Variants in PDS5B observed in about 807,000 individuals in gnomAD.
PDS5B encodes PDS5 cohesin associated factor B.
Under a neutral mutation model 184.1 loss-of-function variants are expected in PDS5B, and 51 were observed. The observed-to-expected ratio is 0.28, with a 90% CI of 0.22 to 0.35. The LOEUF is 0.35. PDS5B is among the 10% of genes least tolerant of loss of function. The pLI is 1.00. For missense variants in PDS5B, 1,180 were observed against 1,723.3 expected, an observed-to-expected ratio of 0.68 and a Z score of 5.58; for synonymous variants, 566 against 569.2, an observed-to-expected ratio of 0.99 and a Z score of 0.08.
intron 20 of PDS5B, 74 bp from the exon 21 acceptor site, chr13:32,735,098 T>C: frequency 1.1e-6 from 1 of 899,578 alleles, no homozygotes; most frequent in Non-Finnish European, 1.6e-6. Context: ...TTTTGTAATT[T>C]GAAAATGAAA....
At chr13:32,623,589 C>A (rs1446069749) in intron 1 of PDS5B, among the ~76,000 whole-genome samples, 1 of 152,128 alleles carries the variant, frequency 6.6e-6, no homozygotes, top group East Asian at 1.9e-4. Flanking sequence ...AAGATGGAGT[C>A]AGTTATGTTA....
rs1593299313 is a variant in PDS5B at position 32,635,188 on chromosome 13, T to G, written c.-19-13566T>G. On this transcript the variant is annotated intron_variant, in intron 1 of 34. Coordinates refer to ENST00000315596, the MANE Select transcript of PDS5B (RefSeq NM_015032.4). Reference sequence around the variant, plus strand: ...CAATTACGTTTTTTTTTTTTTTTTTTTTTTTTTTTTTTTTTTTTTTTTTTT... The same window carrying G: ...CAATTACGTTTTTTTTTTTTTTTTTGTTTTTTTTTTTTTTTTTTTTTTTTT... 2.0e-3 allele frequency among the ~76,000 whole-genome samples: 49 copies of G among 24,944 alleles called. 1 individual carries two copies. Among genetic ancestry groups the G allele is most frequent in the African/African-American group, 7.2e-3 (43 of 5,976 alleles). The allele number at this position is 24,944 out of a possible 152,430, so 16.4% of individuals were successfully genotyped here.
chr13:32,637,116 G>A (rs1448836229), intron 1 of PDS5B, among the ~76,000 whole-genome samples: 1 of 152,194 alleles, frequency 6.6e-6, no homozygotes, highest in Admixed American at 6.5e-5. Flanking sequence ...TTCTAAGTAA[G>A]GCAGTGATAT....
intron 6 of PDS5B, among the ~76,000 whole-genome samples, chr13:32,666,925 C>T (rs1290993551): frequency 2.0e-5 from 3 of 151,886 alleles, no homozygotes; most frequent in Non-Finnish European, 4.4e-5. Flanking sequence ...AAAATTACTT[C>T]TCATTTACAC....
chr13:32,686,211 ATAAT>A (rs1400057992), intron 11 of PDS5B, among the ~76,000 whole-genome samples: 5 of 152,224 alleles, frequency 3.3e-5, no homozygotes, highest in Non-Finnish European at 5.9e-5. Context: ...TTATTCTAAG[ATAAT>A]TAATGCCAGA....
At chr13:32,674,960 T>G (rs1951028210) in intron 8 of PDS5B, among the ~76,000 whole-genome samples, 1 of 152,016 alleles carries the variant, frequency 6.6e-6, no homozygotes, top group Middle Eastern at 3.4e-3. Flanking sequence ...ATTTTTTTTT[T>G]TTAAGTTTTG....
chr13:32,716,513 C>G (rs1411883424), intron 19 of PDS5B, among the ~76,000 whole-genome samples: 1 of 152,010 alleles, frequency 6.6e-6, no homozygotes, highest in Non-Finnish European at 1.5e-5. Flanking sequence ...AGCAGCCACC[C>G]CGTCTGGGAA....
intron 7 of PDS5B, among the ~76,000 whole-genome samples, chr13:32,671,227 G>T (rs1448338554): frequency 3.3e-5 from 5 of 152,096 alleles, no homozygotes; most frequent in African/African-American, 1.2e-4. Flanking sequence ...GACCAACTTG[G>T]TCATTGCCTT....
At chr13:32,672,445 G>C (rs1222769790) in intron 7 of PDS5B, among the ~76,000 whole-genome samples, 1 of 152,132 alleles carries the variant, frequency 6.6e-6, no homozygotes, top group Non-Finnish European at 1.5e-5. Context: ...CACACACACA[G>C]AGACACATGT....
chr13:32,587,643 A>C (rs569793968), intron 1 of PDS5B, among the ~76,000 whole-genome samples: 1 of 152,178 alleles, frequency 6.6e-6, no homozygotes, highest in East Asian at 1.9e-4. Context: ...CTTGCCGCGG[A>C]CGGGGCGAGC....
In PDS5B at chr13:32,604,678, A is replaced by G. The variant is rs2058032258; in HGVS notation, c.-20+18085A>G. On this transcript the variant is annotated intron_variant, in intron 1 of 34. Transcript: ENST00000315596. ...AGCTCCTCTTTGTACCTCTGGTAGA[A>G]TTTGGCTGTGAATCCATCTGGTCCT... is the stretch of plus-strand genomic sequence containing the variant. 2.0e-5 allele frequency among the ~76,000 whole-genome samples: 3 copies of G among 152,220 alleles called. No individual in the cohort carries two copies. In the South Asian group the frequency reaches 6.2e-4, roughly 32 times the overall value.
intron 1 of PDS5B, among the ~76,000 whole-genome samples, chr13:32,631,120 T>C (rs537050173): frequency 3.1e-4 from 44 of 140,214 alleles, no homozygotes; most frequent in East Asian, 2.6e-3. Context: ...TTTTCTTTCT[T>C]TTTTTTTTTT....
At chr13:32,721,242 C>A (rs986840285) in intron 19 of PDS5B, among the ~76,000 whole-genome samples, 1 of 151,930 alleles carries the variant, frequency 6.6e-6, no homozygotes, top group African/African-American at 2.4e-5. Flanking sequence ...CCCCCACCTC[C>A]CAGACGGGGT....
intron 1 of PDS5B, among the ~76,000 whole-genome samples, chr13:32,609,172 A>G (rs1005648888): frequency 2.0e-5 from 3 of 152,210 alleles, no homozygotes; most frequent in African/African-American, 7.2e-5. Context: ...TTCAAATAAC[A>G]CATAAATCCT....
Position 32,775,175 on chromosome 13 carries a change from G to T in PDS5B, c.*123G>T, listed in dbSNP as rs1954918768. ...AAATGGGACTGCTGAAGAGTGGACA[G>T]TTGGACCTTACTTTGGTGACCCCAT... On this transcript the variant is annotated 3_prime_UTR_variant, in exon 35 of 35. Transcript: ENST00000315596. 1.3e-6 allele frequency: 1 copy of T among 799,374 alleles called. No individual in the cohort carries two copies. Among genetic ancestry groups the T allele is most frequent in the South Asian group, 1.6e-5 (1 of 61,254 alleles). 49.5% of individuals were successfully genotyped at this position (799,374 alleles called of 1,614,324 possible).
At position 32,773,220 on chromosome 13, in the gene PDS5B, A is replaced by G. The variant is rs1426892583; in HGVS notation, c.4204A>G (p.Lys1402Glu). 1 of 1,613,006 alleles carries G rather than the reference A, an allele frequency of 6.2e-7. No individual in the cohort carries two copies. Among genetic ancestry groups the G allele is most frequent in the Non-Finnish European group, 8.5e-7 (1 of 1,179,510 alleles). The part of the protein sequence containing the change: ...RVGRSKQAAT[K>E]ENDSSEEVDV... ...AGGACGCTCCAAACAAGCAGCTACT[A>G]AGGAAAATGATTCAAGTGAAGAAGT... is the stretch of plus-strand genomic sequence containing the variant. The change falls in exon 34 of 35, where the codon AAG (lysine) becomes GAG (glutamate). Residue 1402 changes from lysine to glutamate, a missense_variant. Lys to Glu is a moderately conservative substitution (Grantham distance 56). Around this residue, in one of 11 missense-constraint regions of PDS5B, gnomAD observed 465 missense variants for 497.8 expected, o/e 0.93. Coordinates refer to ENST00000315596, the MANE Select transcript of PDS5B (RefSeq NM_015032.4).
intron 1 of PDS5B, among the ~76,000 whole-genome samples, chr13:32,598,580 C>T (rs7328441): frequency 0.048 from 7,365 of 152,082 alleles, 514 homozygotes; most frequent in African/African-American, 0.16. Flanking sequence ...AAGCAGTCCT[C>T]CTGCCTTAGC....
At position 32,699,740 on chromosome 13, in the gene PDS5B, T is replaced by C. The variant is rs1480573742; in HGVS notation, c.1611T>C (p.Pro537=). The C allele has an allele frequency of 4.7e-6, 7 of 1,501,336 alleles. No homozygotes were observed. The highest frequency in any genetic ancestry group is 6.2e-6 in the Non-Finnish European group (7 of 1,131,776). 93.0% of individuals were successfully genotyped at this position (1,501,336 alleles called of 1,614,324 possible). ...TTAATTTATTTTAAGGAAATTTACC[T>C]GATCCTGGTAAGGCTCAGGATTTCA... ...SKVMVITRNL[P]DPGKAQDFMK... Residue 537 remains proline (P), a synonymous_variant, in exon 16 of 35, where the codon CCT becomes CCC. Coordinates refer to ENST00000315596, the MANE Select transcript of PDS5B (RefSeq NM_015032.4).
At position 32,710,034 on chromosome 13, in the gene PDS5B, T is replaced by C; in HGVS notation, c.2051T>C (p.Val684Ala). 6.5e-7 allele frequency: 1 copy of C among 1,548,286 alleles called. No individual in the cohort carries two copies. Among genetic ancestry groups the C allele is most frequent in the Non-Finnish European group, 8.8e-7 (1 of 1,137,338 alleles). The change falls in exon 19 of 35, where the codon GTA (valine) becomes GCA (alanine). Residue 684 changes from valine (V) to alanine (A), a missense_variant. Transcript: ENST00000315596. Reference protein sequence around the residue: ...LACLKMDDEKVAEAALQIFKN... With the variant: ...LACLKMDDEKAAEAALQIFKN... ...TGTCTGAAAATGGATGATGAAAAAG[T>C]AGCAGAAGCTGCACTACAAATTTTC...
Sources: gnomAD v4.1 joint callset for allele counts (sites outside exome capture counted in the v4.1 genomes callset) on GRCh38, gnomAD v4.1.1 for gene constraint, gnomAD v4.1.1 regional missense constraint, MANE v1.5 for transcripts, NCBI Gene and HGNC (gene_info 2026-07-23, HGNC 2026-07-21) for gene names.